The following CEP76 variants were observed in gnomAD, a reference collection of about 807,000 sequenced individuals.
The protein encoded by CEP76 is centrosomal protein of 76 kDa.
CEP76 carries 55 observed loss-of-function variants against 83.3 expected under a neutral mutation model. The ratio of observed to expected loss-of-function variants is 0.66; its 90% CI spans 0.53 to 0.83. The LOEUF (loss-of-function observed/expected upper bound fraction) is 0.83, where lower values mean the gene tolerates loss of function less well. Ranked by LOEUF, CEP76 falls within the 40% of genes least tolerant of loss-of-function variation. CEP76 has a pLI of 0.00. For synonymous variants in CEP76, 270 were observed against 274.5 expected (o/e 0.98, Z 0.16); for missense variants, 694 against 799.5 (o/e 0.87, Z 1.59).
chr18:12,672,239 T>G (rs1568007475), downstream of CEP76, among the ~76,000 whole-genome samples: 1 of 151,426 alleles, frequency 6.6e-6, no homozygotes, highest in African/African-American at 2.4e-5. Context: ...CTCAGCCTCC[T>G]GAGTAGCTGG....
chr18:12,681,008 G>T (rs1598627248), intron 8 of CEP76, among the ~76,000 whole-genome samples, 180 bp from the exon 9 acceptor site: 1 of 152,072 alleles, frequency 6.6e-6, no homozygotes, highest in Middle Eastern at 3.2e-3. Context: ...AGACCAGCCT[G>T]GCCAACATAA....
Position 12,699,837 on chromosome 18 carries a change from T to A in CEP76, c.288A>T (p.Leu96Phe), listed in dbSNP as rs775897465. Residue 96 changes from leucine to phenylalanine, a missense_variant, in exon 3 of 12, where the codon TTA (leucine) becomes TTT (phenylalanine). Transcript: ENST00000262127. ...QPICFDRQST[L>F]KKTNIDPTRR... ...ATGTTAAAATATACATACTTTTTTT[T>A]AATGTCGATTGTCTATCAAAACAAA... is the stretch of plus-strand genomic sequence containing the variant. 2.6e-5 allele frequency: 40 copies of A among 1,554,314 alleles called. No homozygotes were observed. The highest frequency in any genetic ancestry group is 2.0e-4 in the South Asian group (17 of 84,074).
chr18:12,664,648 G>T (rs1358357117), intron 12 of CEP76, among the ~76,000 whole-genome samples: 1 of 151,704 alleles, frequency 6.6e-6, no homozygotes, highest in Non-Finnish European at 1.5e-5. Context: ...GCCTCCCAAA[G>T]TGCTGGGATT....
At chr18:12,692,899 T>C (rs577580464) in intron 6 of CEP76, among the ~76,000 whole-genome samples, 1 of 152,348 alleles carries the variant, frequency 6.6e-6, no homozygotes, top group African/African-American at 2.4e-5. Context: ...CATGGCTCAC[T>C]GTAGCCTCGA....
downstream of CEP76, chr18:12,670,422 T>A (rs1314538315): frequency 6.6e-6 from 1 of 152,144 alleles, no homozygotes; most frequent in Non-Finnish European, 1.5e-5. Flanking sequence ...AATGCCAGAC[T>A]CTATTGGTGC....
At position 12,697,238 on chromosome 18, in the gene CEP76, CCA is replaced by C; in HGVS notation, c.689_690del (p.Val230GlyfsTer21). 1.2e-6 allele frequency: 2 copies of C among 1,612,782 alleles called. No individual in the cohort carries two copies. The highest frequency in any genetic ancestry group is 4.5e-5 in the East Asian group (2 of 44,828). On this transcript the variant is annotated frameshift_variant, in exon 5 of 12. Transcript: ENST00000262127. LOFTEE classifies it high-confidence loss of function. The part of the protein sequence containing the change: ...GSENGVTSLT[V>X]ELMGVGTESK... Reference sequence around the variant, plus strand: ...ATCACCATACCTACACCCATAAGTTCCACAGTCAGACTGGTCACTCCATTTTC... The same window carrying C: ...ATCACCATACCTACACCCATAAGTTCCAGTCAGACTGGTCACTCCATTTTC...
intron 6 of CEP76, among the ~76,000 whole-genome samples, chr18:12,693,177 T>C (rs2039829438): frequency 6.6e-6 from 1 of 152,154 alleles, no homozygotes; most frequent in South Asian, 2.1e-4. Flanking sequence ...TATCAGATAA[T>C]AGAATAAACT....
intron 10 of CEP76, 73 bp downstream of exon 10, chr18:12,678,034 TCA>T: frequency 2.5e-6 from 3 of 1,178,568 alleles, no homozygotes; most frequent in Non-Finnish European, 3.7e-6. Flanking sequence ...ACTGGCACTA[TCA>T]CACACACCAA....
At chr18:12,667,631 C>T (rs1418714236), downstream of CEP76, among the ~76,000 whole-genome samples, 1 of 151,394 alleles carries the variant, frequency 6.6e-6, no homozygotes, top group Non-Finnish European at 1.5e-5. Flanking sequence ...CGTGGTGGCA[C>T]GTGCCTGTAC....
chr18:12,682,539 A>T (rs571408437), intron 8 of CEP76, among the ~76,000 whole-genome samples: 202 of 152,176 alleles, frequency 1.3e-3, no homozygotes, highest in African/African-American at 4.4e-3. Context: ...AAAGTTTTTT[A>T]AAAAAAATTA....
chr18:12,691,440 AAG>A lies in CEP76; in HGVS notation c.850_851del (p.Leu284CysfsTer4), dbSNP rs1419306451. 5 of 1,609,200 alleles carry A rather than the reference AAG, an allele frequency of 3.1e-6. No individual in the cohort carries two copies. Among genetic ancestry groups the A allele is most frequent in the Non-Finnish European group, 4.2e-6 (5 of 1,177,300 alleles). ...CTCTCCACCACTGCTTAGCATATAC[AAG>A]AAATAATCGCTCTTTCTCTGCAGTT... is the stretch of plus-strand genomic sequence containing the variant. ...QKTAEKERLF[L>X]VYAKQWWREY... On this transcript the variant is annotated frameshift_variant, in exon 7 of 12. Transcript: ENST00000262127. LOFTEE classifies it high-confidence loss of function.
Position 12,691,404 on chromosome 18 carries a change from T to C in CEP76, c.888A>G (p.Gln296=). ...YAKQWWREYL[Q]IRPSHNSRLV... is the part of the protein sequence containing the mutation. The stretch of plus-strand genomic sequence containing the variant: ...GTCGTGAGTTGTGTGAGGGTCGAAT[T>C]TGCAAATATTCTCTCCACCACTGCT... The change falls in exon 7 of 12, where the codon CAA becomes CAG. Residue 296 remains glutamine, a synonymous_variant. Coordinates refer to ENST00000262127, the MANE Select transcript of CEP76 (RefSeq NM_024899.4). 6.2e-7 allele frequency: 1 copy of C among 1,608,378 alleles called. No homozygotes were observed. Among genetic ancestry groups the C allele is most frequent in the Non-Finnish European group, 8.5e-7 (1 of 1,176,994 alleles).
chr18:12,681,333 A>G (rs1417782348), intron 8 of CEP76, among the ~76,000 whole-genome samples: 5 of 141,128 alleles, frequency 3.5e-5, no homozygotes, highest in Non-Finnish European at 6.0e-5. Context: ...AGCAGCCTTG[A>G]CCTCCTGGGC....
At chr18:12,679,643 A>G (rs984062776) in intron 9 of CEP76, among the ~76,000 whole-genome samples, 1 of 152,214 alleles carries the variant, frequency 6.6e-6, no homozygotes, top group African/African-American at 2.4e-5. Flanking sequence ...ATGACAGGCT[A>G]AAGTACTTTA....
rs372944172 is a variant in CEP76, at chr18:12,695,296, T to C, written c.762A>G (p.Pro254=). Residue 254 remains proline, a synonymous_variant, in exon 6 of 12, where the codon CCA becomes CCG. Coordinates refer to ENST00000262127, the MANE Select transcript of CEP76 (RefSeq NM_024899.4). ...CTTGAGATAACGTTTGATTGAGTGG[T>C]GGATACATTTCAAGTTTTATATTTA... ...GILNIKLEMY[P]PLNQTLSQEV... The C allele has an allele frequency of 1.3e-6, 2 of 1,572,288 alleles. No individual in the cohort carries two copies. The highest frequency in any genetic ancestry group is 1.7e-6 in the Non-Finnish European group (2 of 1,148,058).
Position 12,678,421 on chromosome 18 carries a change from A to T in CEP76, c.1311T>A (p.Asn437Lys). 6.2e-7 allele frequency: 1 copy of T among 1,612,834 alleles called. No individual in the cohort carries two copies. Among genetic ancestry groups the T allele is most frequent in the Non-Finnish European group, 8.5e-7 (1 of 1,178,888 alleles). The change falls in exon 10 of 12, where the codon AAT (asparagine) becomes AAA (lysine). Residue 437 changes from asparagine to lysine, a missense_variant. By Grantham distance (94) the Asn-to-Lys change is moderately conservative. Coordinates refer to ENST00000262127, the MANE Select transcript of CEP76 (RefSeq NM_024899.4). ...GTTCAGCAACTGGAGGTTCATCAGG[A>T]TTGGTAGGTTTATGGATGTACCTAA... ...TGHRYIHKPT[N>K]PDEPPVAEQP...
chr18:12,676,723 C>T (rs2039148671), intron 10 of CEP76, among the ~76,000 whole-genome samples: 2 of 152,182 alleles, frequency 1.3e-5, no homozygotes, highest in African/African-American at 2.4e-5. Context: ...CCCTGACCAA[C>T]TTTTGCTGAA....
chr18:12,675,413 AAAAT>A (rs570598917), intron 10 of CEP76, among the ~76,000 whole-genome samples: 153 of 152,046 alleles, frequency 1.0e-3, no homozygotes, highest in Middle Eastern at 6.8e-3. Flanking sequence ...ATAAATAAAT[AAAAT>A]AAATAAAAAA....
At chr18:12,697,476 T>G in intron 4 of CEP76, 68 bp from the exon 5 acceptor site, 2 of 1,058,794 alleles carry the variant, frequency 1.9e-6, no homozygotes, top group Non-Finnish European at 2.7e-6. Context: ...AAAAGAATAC[T>G]TTTATTAAAC....
Sources: gnomAD v4.1 joint callset for allele counts (sites outside exome capture counted in the v4.1 genomes callset) on GRCh38, gnomAD v4.1.1 for gene constraint, MANE v1.5 for transcripts, NCBI Gene and HGNC (gene_info 2026-07-23, HGNC 2026-07-21) for gene names.